The following NGF variants were observed in gnomAD, a reference collection of about 807,000 sequenced individuals.
NGF encodes beta-nerve growth factor.
A neutral mutation model predicts 12.8 loss-of-function variants in NGF; 4 were observed. The observed-to-expected ratio is 0.31, with a 90% CI of 0.15 to 0.72. NGF has a LOEUF of 0.72. Among genes scored for constraint, NGF ranks in the 30% least tolerant of loss-of-function variants. The probability of loss-of-function intolerance (pLI) is 0.69; values close to 1 mark genes in which losing one functional copy is unlikely to be tolerated. For synonymous variants in NGF, 140 were observed against 130.0 expected, an observed-to-expected ratio of 1.08 and a Z score of -0.52; for missense variants, 283 against 330.8, an observed-to-expected ratio of 0.86 and a Z score of 1.12.
intron 1 of NGF, among the ~76,000 whole-genome samples, chr1:115,300,815 C>T (rs988184954): frequency 1.3e-5 from 2 of 152,212 alleles, no homozygotes; most frequent in East Asian, 1.9e-4. Context: ...GGGCTTTGTG[C>T]TGTTTTAGCT....
intron 1 of NGF, among the ~76,000 whole-genome samples, chr1:115,302,148 C>T (rs953732659): frequency 6.6e-6 from 1 of 152,222 alleles, no homozygotes; most frequent in Non-Finnish European, 1.5e-5. Context: ...ATCATTATTT[C>T]ATGTTATACT....
intron 1 of NGF, among the ~76,000 whole-genome samples, chr1:115,297,488 G>A (rs1183740057): frequency 6.6e-6 from 1 of 152,202 alleles, no homozygotes; most frequent in Non-Finnish European, 1.5e-5. Flanking sequence ...AGAGCTAGAG[G>A]AGAGAGGGTT....
intron 1 of NGF, among the ~76,000 whole-genome samples, chr1:115,297,968 A>G (rs1653921422): frequency 6.6e-6 from 1 of 152,208 alleles, no homozygotes; most frequent in African/African-American, 2.4e-5. Context: ...CACAGGGTGA[A>G]TGGGAAGCTT....
At chr1:115,294,755 G>C (rs879598973) in intron 1 of NGF, among the ~76,000 whole-genome samples, 1 of 152,138 alleles carries the variant, frequency 6.6e-6, no homozygotes, top group Non-Finnish European at 1.5e-5. Flanking sequence ...GCAAGAACAA[G>C]TGCAAAGGCC....
chr1:115,324,108 G>A (rs1346243939), intron 1 of NGF, among the ~76,000 whole-genome samples: 1 of 152,146 alleles, frequency 6.6e-6, no homozygotes, highest in African/African-American at 2.4e-5. Flanking sequence ...CCTGGATGGA[G>A]GTGAACACCC....
intron 1 of NGF, among the ~76,000 whole-genome samples, chr1:115,302,139 TC>T (rs892961536): frequency 3.4e-4 from 52 of 152,312 alleles, no homozygotes; most frequent in African/African-American, 1.2e-3. Context: ...CCCAAGTAAA[TC>T]ATTATTTCAT....
In NGF at chr1:115,333,790, T is replaced by TTTTC. The variant is rs966246955; in HGVS notation, c.-137+4410_-137+4413dup. On this transcript the variant is annotated intron_variant, in intron 1 of 2. Transcript: ENST00000369512. ...CTCTCTTTCTTCATTCCTTCCTTTC[T>TTTTC]TTTCTTTCTTTCTTTCTCTTTTTCT... 7.9e-5 allele frequency among the ~76,000 whole-genome samples: 8 copies of TTTTC among 100,802 alleles called. 2 individuals carry two copies. Among genetic ancestry groups the TTTTC allele is most frequent in the Admixed American group, 4.1e-4 (4 of 9,696 alleles). The allele number at this position is 100,802 out of a possible 152,430, so 66.1% of individuals were successfully genotyped here. A position where few individuals can be genotyped will look rare whatever the true frequency, so the allele number is the denominator to read the frequency against.
chr1:115,298,529 G>A (rs530499804), intron 1 of NGF, among the ~76,000 whole-genome samples: 6 of 151,904 alleles, frequency 3.9e-5, no homozygotes, highest in Admixed American at 2.0e-4. Flanking sequence ...CATTCCTAGT[G>A]AGTTTCCCTA....
intron 1 of NGF, among the ~76,000 whole-genome samples, chr1:115,336,220 T>C (rs1486413787): frequency 2.0e-5 from 3 of 152,172 alleles, no homozygotes; most frequent in Admixed American, 2.0e-4. Flanking sequence ...TTCATTTCTC[T>C]GGTGGGCCTG....
chr1:115,335,961 A>AGCCCT lies in NGF; in HGVS notation c.-137+2238_-137+2242dup, dbSNP rs1571103008. 2.0e-5 allele frequency among the ~76,000 whole-genome samples: 3 copies of AGCCCT among 152,306 alleles called. No individual in the cohort carries two copies. The East Asian group carries it at 5.8e-4, about 29-fold the overall frequency. On this transcript the variant is annotated intron_variant, in intron 1 of 2. Coordinates refer to ENST00000369512, the MANE Select transcript of NGF (RefSeq NM_002506.3). ...TGATGAGAAACTTCCCTCGGGCTCC[A>AGCCCT]GCCCTGCCCTGCCCTACCCTACTCT...
At chr1:115,310,782 G>C (rs1167815834) in intron 1 of NGF, among the ~76,000 whole-genome samples, 1 of 151,638 alleles carries the variant, frequency 6.6e-6, no homozygotes, top group Non-Finnish European at 1.5e-5. Flanking sequence ...GATTATCTGT[G>C]CTATGGAAAG....
intron 1 of NGF, among the ~76,000 whole-genome samples, chr1:115,314,722 T>C (rs1350092219): frequency 6.6e-6 from 1 of 152,186 alleles, no homozygotes; most frequent in East Asian, 1.9e-4. Flanking sequence ...ATTGAGCAAC[T>C]ATTATGCACC....
intron 1 of NGF, among the ~76,000 whole-genome samples, chr1:115,319,151 A>G (rs1039724769): frequency 1.3e-5 from 2 of 151,960 alleles, no homozygotes; most frequent in African/African-American, 2.4e-5. Flanking sequence ...AGAGTCACTC[A>G]CTCCCTTCTG....
intron 1 of NGF, among the ~76,000 whole-genome samples, chr1:115,295,086 G>C (rs1473617986): frequency 6.6e-6 from 1 of 152,036 alleles, no homozygotes; most frequent in African/African-American, 2.4e-5. Context: ...TCTTTTTCCA[G>C]CATGGATCCC....
chr1:115,293,430 C>A (rs1227695203), intron 2 of NGF, among the ~76,000 whole-genome samples, 197 bp downstream of exon 2: 1 of 152,210 alleles, frequency 6.6e-6, no homozygotes, highest in Admixed American at 6.5e-5. Context: ...ATGGGGCCAA[C>A]CTGCATGCAC....
chr1:115,323,090 GT>G (rs1039326402), intron 1 of NGF, among the ~76,000 whole-genome samples: 2 of 152,166 alleles, frequency 1.3e-5, no homozygotes, highest in Non-Finnish European at 2.9e-5. Context: ...ATCAGAGGGA[GT>G]TTGTACAAGT....
intron 1 of NGF, among the ~76,000 whole-genome samples, chr1:115,307,335 T>C (rs1421486952): frequency 1.3e-5 from 2 of 148,640 alleles, no homozygotes; most frequent in African/African-American, 5.0e-5. Flanking sequence ...CAGAGGGGAG[T>C]GGAGAAAGCA....
intron 1 of NGF, among the ~76,000 whole-genome samples, chr1:115,337,594 G>C (rs957383276): frequency 6.6e-6 from 1 of 152,110 alleles, no homozygotes; most frequent in Non-Finnish European, 1.5e-5. Flanking sequence ...CCCGGCGTTG[G>C]CTCGCAGACT....
chr1:115,321,264 G>A (rs1472805202), intron 1 of NGF, among the ~76,000 whole-genome samples: 2 of 152,160 alleles, frequency 1.3e-5, no homozygotes, highest in African/African-American at 4.8e-5. Flanking sequence ...CCAGTGGCTA[G>A]CACAGCTCCT....
Sources: allele counts gnomAD v4.1 joint callset (sites outside exome capture counted in the v4.1 genomes callset), GRCh38; gene constraint gnomAD v4.1.1; transcripts MANE v1.5; gene names NCBI Gene and HGNC (gene_info 2026-07-23, HGNC 2026-07-21).